WWOX: variants seen among roughly 807,000 people sequenced by gnomAD.
The protein encoded by WWOX is WW domain-containing oxidoreductase.
In WWOX, 69 loss-of-function variants were observed where a neutral mutation model predicts 46.2. That is an observed-to-expected ratio of 1.49 (90% CI 1.23 to 1.82). The LOEUF is 1.82. Ranked by LOEUF, WWOX falls within the 40% of genes most tolerant of loss-of-function variation. The pLI is 0.00. For synonymous variants in WWOX, 359 were observed against 202.6 expected (o/e 1.77, Z -6.56); for missense variants, 919 against 542.6 (o/e 1.69, Z -6.89).
intron 8 of WWOX, among the ~76,000 whole-genome samples, chr16:78,905,583 A>G (rs528050187): frequency 6.6e-4 from 101 of 152,182 alleles, no homozygotes; most frequent in African/African-American, 2.4e-3. Flanking sequence ...GTCTCACCAT[A>G]TTGACCAGGC....
At chr16:78,429,846 T>C (rs2083176168) in intron 7 of WWOX, among the ~76,000 whole-genome samples, 1 of 152,184 alleles carries the variant, frequency 6.6e-6, no homozygotes, top group Non-Finnish European at 1.5e-5. Context: ...TTTCAACATG[T>C]AAATGCTTGG....
intron 8 of WWOX, among the ~76,000 whole-genome samples, chr16:78,560,749 A>G (rs1179647911): frequency 6.6e-6 from 1 of 152,180 alleles, no homozygotes; most frequent in Non-Finnish European, 1.5e-5. Context: ...ATGGTGATTG[A>G]GTTTTTGTGT....
intron 8 of WWOX, among the ~76,000 whole-genome samples, chr16:78,807,578 G>C (rs1318157363): frequency 6.6e-6 from 1 of 152,228 alleles, no homozygotes; most frequent in Admixed American, 6.5e-5. Context: ...GGCAAATGTG[G>C]AGTGCCATGG....
chr16:78,591,077 G>A (rs894743728), intron 8 of WWOX, among the ~76,000 whole-genome samples: 3 of 152,184 alleles, frequency 2.0e-5, no homozygotes, highest in African/African-American at 7.2e-5. Flanking sequence ...CAGGTGGTGA[G>A]AGGTGACATG....
intron 5 of WWOX, among the ~76,000 whole-genome samples, chr16:78,316,739 C>G (rs894802362): frequency 9.9e-5 from 15 of 152,130 alleles, no homozygotes; most frequent in African/African-American, 3.4e-4. Flanking sequence ...GCTTCTGTTA[C>G]TGGAAAATGG....
At chr16:79,148,373 G>C (rs888386437) in intron 8 of WWOX, among the ~76,000 whole-genome samples, 3 of 152,104 alleles carry the variant, frequency 2.0e-5, no homozygotes, top group African/African-American at 7.2e-5. Context: ...AAAATGAATT[G>C]AGCATGTTTG....
chr16:78,978,218 A>G (rs2046611555), intron 8 of WWOX, among the ~76,000 whole-genome samples: 1 of 152,218 alleles, frequency 6.6e-6, no homozygotes, highest in African/African-American at 2.4e-5. Context: ...TATTGATACC[A>G]CAGTTGGTTG....
At chr16:78,930,884 A>G (rs1189937653) in intron 8 of WWOX, among the ~76,000 whole-genome samples, 1 of 152,146 alleles carries the variant, frequency 6.6e-6, no homozygotes, top group East Asian at 1.9e-4. Flanking sequence ...GTTAAATGTA[A>G]CATGGGCTTT....
intron 5 of WWOX, among the ~76,000 whole-genome samples, chr16:78,240,996 T>C (rs1208686083): frequency 6.6e-6 from 1 of 152,094 alleles, no homozygotes; most frequent in Non-Finnish European, 1.5e-5. Flanking sequence ...CGTCCTGACC[T>C]CCATCTCAGT....
At chr16:78,721,768 A>T (rs140038445) in intron 8 of WWOX, among the ~76,000 whole-genome samples, 1 of 152,328 alleles carries the variant, frequency 6.6e-6, no homozygotes, top group African/African-American at 2.4e-5. Context: ...ACACAGGGCC[A>T]GGTACATAGC....
At chr16:78,730,890 G>T (rs1241359881) in intron 8 of WWOX, among the ~76,000 whole-genome samples, 3 of 152,070 alleles carry the variant, frequency 2.0e-5, no homozygotes, top group Non-Finnish European at 4.4e-5. Flanking sequence ...CACAGGAGAT[G>T]CAGAAACTGA....
chr16:78,923,109 G>A lies in WWOX; in HGVS notation c.1057-288499G>A, dbSNP rs2045417538. Among the ~76,000 whole-genome samples the A allele has an allele frequency of 2.0e-5, 3 of 151,482 alleles. No homozygotes were observed. The Middle Eastern group carries it at 0.01, about 515-fold the overall frequency. On this transcript the variant is annotated intron_variant, in intron 8 of 8. Transcript: ENST00000566780. ...TGATTCTCCTGCCTCAGCCTTGCGA[G>A]TAGCTGGGATTACAGGGATGTGCCA...
chr16:79,114,195 C>T (rs1056017540), intron 8 of WWOX, among the ~76,000 whole-genome samples: 1 of 151,960 alleles, frequency 6.6e-6, no homozygotes, highest in South Asian at 2.1e-4. Flanking sequence ...TTGCATCCCC[C>T]CAGAAGATAT....
intron 8 of WWOX, among the ~76,000 whole-genome samples, chr16:79,184,251 G>A (rs1447181527): frequency 6.6e-6 from 1 of 152,182 alleles, no homozygotes; most frequent in Admixed American, 6.5e-5. Flanking sequence ...TAGACTATTA[G>A]TTTGTAGAGT....
At chr16:79,100,229 G>GT (rs1388077505) in intron 8 of WWOX, among the ~76,000 whole-genome samples, 2 of 151,984 alleles carry the variant, frequency 1.3e-5, no homozygotes, top group African/African-American at 4.8e-5. Flanking sequence ...CAGGGTAGAT[G>GT]TTAAAAAAAA....
chr16:78,900,347 C>G (rs1352052598), intron 8 of WWOX, among the ~76,000 whole-genome samples: 1 of 152,168 alleles, frequency 6.6e-6, no homozygotes, highest in Non-Finnish European at 1.5e-5. Context: ...TGAGCTGTCA[C>G]TCAAGTATGC....
chr16:78,637,803 C>T, intron 8 of WWOX, among the ~76,000 whole-genome samples: 1 of 152,108 alleles, frequency 6.6e-6, no homozygotes. Flanking sequence ...GCCTGGGTAA[C>T]ATTGTCCCAG....
chr16:78,505,586 T>C (rs1487665669), intron 8 of WWOX, among the ~76,000 whole-genome samples: 2 of 152,098 alleles, frequency 1.3e-5, no homozygotes, highest in African/African-American at 4.8e-5. Context: ...GTGCCCTACC[T>C]CTTGGGGCCA....
intron 5 of WWOX, among the ~76,000 whole-genome samples, chr16:78,203,700 C>G (rs886587671): frequency 2.0e-5 from 3 of 152,210 alleles, no homozygotes; most frequent in Non-Finnish European, 4.4e-5. Context: ...GAGCATAAAA[C>G]TAGATGCGGA....
Sources: allele counts gnomAD v4.1 joint callset (sites outside exome capture counted in the v4.1 genomes callset), GRCh38; gene constraint gnomAD v4.1.1; transcripts MANE v1.5; gene names NCBI Gene and HGNC (gene_info 2026-07-23, HGNC 2026-07-21).